Variants in RFTN1 observed in about 807,000 individuals in gnomAD.
RFTN1 encodes raftlin.
RFTN1 carries 26 observed loss-of-function variants against 46.5 expected under a neutral mutation model. The observed-to-expected ratio is 0.56, with a 90% CI of 0.41 to 0.78. The LOEUF (loss-of-function observed/expected upper bound fraction) is 0.78. Ranked by LOEUF, RFTN1 falls within the 30% of genes least tolerant of loss-of-function variation. RFTN1 has a pLI of 0.00. For missense variants in RFTN1, 693 were observed against 718.7 expected, an observed-to-expected ratio of 0.96 and a Z score of 0.41; for synonymous variants, 261 against 284.2, an observed-to-expected ratio of 0.92 and a Z score of 0.82.
rs1168968682 is a variant in RFTN1, at chr3:16,446,072, AAGGCCAC to A, written c.146-12042_146-12036del. Among the ~76,000 whole-genome samples the A allele has an allele frequency of 6.6e-6, 1 of 152,118 alleles. No individual in the cohort carries two copies. The highest frequency in any genetic ancestry group is 2.4e-5 in the African/African-American group (1 of 41,422). On this transcript the variant is annotated intron_variant, in intron 2 of 9. Transcript: ENST00000334133. This position sits in a 1 kb window ranked among gnomAD's most constrained non-coding sequence, Gnocchi z 4.5. ...TTAAATGAAGAAATTCTCCTCTGAT[AAGGCCAC>A]AGTCCACATCAGGACTGCAGTAGCA... is the stretch of plus-strand genomic sequence containing the variant.
chr3:16,344,621 C>G lies in RFTN1; in HGVS notation c.1146+13311G>C, dbSNP rs2071520243. Among the ~76,000 whole-genome samples, 1 of 152,120 alleles carries G rather than the reference C, an allele frequency of 6.6e-6. No individual in the cohort carries two copies. The highest frequency in any genetic ancestry group is 1.5e-5 in the Non-Finnish European group (1 of 68,030). On this transcript the variant is annotated intron_variant, in intron 7 of 9. Transcript: ENST00000334133. The surrounding 1 kb of genome is among the most constrained non-coding windows in gnomAD (Gnocchi z 4.4). ...GAATCAGGTCTCTTCAGGTCCACCA[C>G]CTTCTAGATCACTGCACAAGCCCCT... is the stretch of plus-strand genomic sequence containing the variant.
At position 16,446,976 on chromosome 3, in the gene RFTN1, T is replaced by G. The variant is rs2124895129; in HGVS notation, c.146-12939A>C. 6.6e-6 allele frequency among the ~76,000 whole-genome samples: 1 copy of G among 152,350 alleles called. No individual in the cohort carries two copies. Among genetic ancestry groups the G allele is most frequent in the South Asian group, 2.1e-4 (1 of 4,828 alleles). On this transcript the variant is annotated intron_variant, in intron 2 of 9. Coordinates refer to ENST00000334133, the MANE Select transcript of RFTN1 (RefSeq NM_015150.2). This position sits in a 1 kb window ranked among gnomAD's most constrained non-coding sequence, Gnocchi z 4.5. ...AAATCATAAAGACCACGTGTAAGAC[T>G]AGTTTCAAGAGGCTTATGACAGAAT...
chr3:16,431,343 A>T (rs1559343479), intron 3 of RFTN1, among the ~76,000 whole-genome samples: 1 of 152,298 alleles, frequency 6.6e-6, no homozygotes, highest in South Asian at 2.1e-4. Flanking sequence ...AGTGCGTGCC[A>T]CGGACCATCA....
Position 16,317,040 on chromosome 3 carries a change from T to A in RFTN1, c.1525A>T (p.Lys509Ter). 1 of 1,613,754 alleles carries A rather than the reference T, an allele frequency of 6.2e-7. No homozygotes were observed. Among genetic ancestry groups the A allele is most frequent in the Non-Finnish European group, 8.5e-7 (1 of 1,179,924 alleles). Residue 509 changes from lysine (K) to a stop codon, truncating the protein, a stop_gained, in exon 10 of 10, where the codon AAG (lysine) becomes TAG (stop). Transcript: ENST00000334133. LOFTEE classifies it low-confidence loss of function (END_TRUNC). This position sits in a 1 kb window ranked among gnomAD's most constrained non-coding sequence, Gnocchi z 4.3. ...QQEGGVSEEMKGPVQEDKGEQ... is the reference protein window; with the variant it reads ...QQEGGVSEEM ...CCCTTGTCCTCTTGGACAGGGCCCT[T>A]CATCTCCTCGGAGACTCCACCCTCC...
intron 4 of RFTN1, among the ~76,000 whole-genome samples, chr3:16,388,028 G>C (rs17042202): frequency 0.025 from 3,838 of 152,254 alleles, 55 homozygotes; most frequent in Middle Eastern, 0.068. Flanking sequence ...ACTCTCCAAC[G>C]ATGTCCCATT....
intron 9 of RFTN1, among the ~76,000 whole-genome samples, chr3:16,319,642 C>T (rs1412627880): frequency 6.6e-6 from 1 of 152,198 alleles, no homozygotes; most frequent in Non-Finnish European, 1.5e-5. Context: ...CATAGTTTCC[C>T]CTGGATGCCT....
intron 2 of RFTN1, among the ~76,000 whole-genome samples, chr3:16,454,433 C>A (rs998615960): frequency 1.3e-5 from 2 of 152,130 alleles, no homozygotes; most frequent in African/African-American, 4.8e-5. Flanking sequence ...CTAAATCAGA[C>A]CTGCATTTCA....
Position 16,335,451 on chromosome 3 carries a change from G to A in RFTN1, c.1147-8575C>T, listed in dbSNP as rs1354839866. 2.0e-5 allele frequency among the ~76,000 whole-genome samples: 3 copies of A among 152,226 alleles called. No homozygotes were observed. Among genetic ancestry groups the A allele is most frequent in the Non-Finnish European group, 2.9e-5 (2 of 68,042 alleles). ...GCAGCCTTAAAAAGGAACGAATCAC[G>A]TCCTTTGTGGGGACATGGATGGAGC... On this transcript the variant is annotated intron_variant, in intron 7 of 9. Transcript: ENST00000334133. The surrounding 1 kb of genome is among the most constrained non-coding windows in gnomAD (Gnocchi z 4.7).
intron 2 of RFTN1, among the ~76,000 whole-genome samples, chr3:16,444,422 G>A (rs186073464): frequency 2.9e-4 from 44 of 152,056 alleles, no homozygotes; most frequent in African/African-American, 1.0e-3. Flanking sequence ...TTTTCCAGGC[G>A]CTCCGGCTTC....
intron 3 of RFTN1, among the ~76,000 whole-genome samples, chr3:16,430,340 G>A (rs1439582256): frequency 6.6e-6 from 1 of 152,174 alleles, no homozygotes; most frequent in African/African-American, 2.4e-5. Flanking sequence ...TGGAACTTCT[G>A]AGCTCAAGAG....
chr3:16,493,824 G>A lies in RFTN1; in HGVS notation c.46C>T (p.Pro16Ser), dbSNP rs193087029. 8 of 1,614,006 alleles carry A rather than the reference G, an allele frequency of 5.0e-6. No homozygotes were observed. In the Admixed American group the frequency reaches 1.3e-4, roughly 27 times the overall value. ...TTCAAAGTTGAATAAATATTCCCAGGCCGTTTTTCATCACGTTTCTCTAAC... is the reference window on the plus strand; with the variant it reads ...TTCAAAGTTGAATAAATATTCCCAGACCGTTTTTCATCACGTTTCTCTAAC... ...NKLEKRDEKR[P>S]GNIYSTLKRP... is the part of the protein sequence containing the mutation. The change falls in exon 2 of 10, where the codon CCT becomes TCT. Residue 16 changes from proline to serine, a missense_variant. By Grantham distance (74) the Pro-to-Ser change is moderately conservative. Coordinates refer to ENST00000334133, the MANE Select transcript of RFTN1 (RefSeq NM_015150.2).
At chr3:16,511,876 A>T (rs2076907603) in intron 1 of RFTN1, among the ~76,000 whole-genome samples, 1 of 152,078 alleles carries the variant, frequency 6.6e-6, no homozygotes. Context: ...CTCCACTTCC[A>T]TTTGCCCCAT....
rs1022134759 is a variant in RFTN1, at chr3:16,422,952, G to C, written c.332+10899C>G. The stretch of plus-strand genomic sequence containing the variant: ...GAGGCCGAAGTGGGTGGATCATGAG[G>C]TCAGGAGATCGAGACCATCCTGGCT... On this transcript the variant is annotated intron_variant, in intron 3 of 9. Transcript: ENST00000334133. This position sits in a 1 kb window ranked among gnomAD's most constrained non-coding sequence, Gnocchi z 4.6. 2.0e-5 allele frequency among the ~76,000 whole-genome samples: 3 copies of C among 152,030 alleles called. No homozygotes were observed. Among genetic ancestry groups the C allele is most frequent in the African/African-American group, 7.2e-5 (3 of 41,384 alleles).
rs2076401810 is a variant in RFTN1, at chr3:16,483,566, G to A, written c.145+10159C>T. 6.6e-6 allele frequency among the ~76,000 whole-genome samples: 1 copy of A among 152,148 alleles called. No individual in the cohort carries two copies. Among genetic ancestry groups the A allele is most frequent in the Non-Finnish European group, 1.5e-5 (1 of 68,020 alleles). On this transcript the variant is annotated intron_variant, in intron 2 of 9. Transcript: ENST00000334133. This position sits in a 1 kb window ranked among gnomAD's most constrained non-coding sequence, Gnocchi z 4.8. Reference sequence around the variant, plus strand: ...TGGGAACTTTTTAAACAAACTTTGAGAATCATTGTGTCACCTTGTATCCTT... The same window carrying A: ...TGGGAACTTTTTAAACAAACTTTGAAAATCATTGTGTCACCTTGTATCCTT...
chr3:16,325,878 C>CA (rs2069638192), intron 8 of RFTN1, among the ~76,000 whole-genome samples: 1 of 152,326 alleles, frequency 6.6e-6, no homozygotes, highest in Non-Finnish European at 1.5e-5. Flanking sequence ...GGTGAATATG[C>CA]AGTAGGGCTT....
chr3:16,358,123 A>G lies in RFTN1; in HGVS notation c.1031-76T>C, dbSNP rs555234917. 33 of 793,056 alleles carry G rather than the reference A, an allele frequency of 4.2e-5. No homozygotes were observed. The African/African-American group carries it at 4.8e-4, about 11-fold the overall frequency. 49.1% of individuals were successfully genotyped at this position (793,056 alleles called of 1,614,324 possible). A position where few individuals can be genotyped will look rare whatever the true frequency, so the allele number is the denominator to read the frequency against. ...GGCAGAAGTCTTCTAAGCAGCAAAC[A>G]TTTCCACTGCATTCATTAATAATCC... is the stretch of plus-strand genomic sequence containing the variant. On this transcript the variant is annotated intron_variant, in intron 6 of 9. Coordinates refer to ENST00000334133, the MANE Select transcript of RFTN1 (RefSeq NM_015150.2).
chr3:16,415,556 A>G (rs1289208034), intron 3 of RFTN1, among the ~76,000 whole-genome samples: 5 of 152,002 alleles, frequency 3.3e-5, no homozygotes, highest in Non-Finnish European at 5.9e-5. Context: ...TACTTAAAGC[A>G]TGAGGCTAAA....
rs541425893 is a variant in RFTN1 at position 16,319,272 on chromosome 3, G to T, written c.1333-2040C>A. Among the ~76,000 whole-genome samples the T allele has an allele frequency of 6.0e-4, 91 of 152,338 alleles. 1 individual carries two copies. In the South Asian group the frequency reaches 0.018, roughly 30 times the overall value. ...AGGCAGTTGGCTCTCAGGGAAGTCA[G>T]AGGAAGTTTTACTGTTGCCAAAAAA... On this transcript the variant is annotated intron_variant, in intron 9 of 9. Transcript: ENST00000334133.
rs1196499841 is a variant in RFTN1 at position 16,500,945 on chromosome 3, C to T, written c.-8-7068G>A. ...TGGCTGACTGTTCGGGAAGTCTGGA[C>T]AGAATGCGGGAGCATTCGGAACAAA... is the stretch of plus-strand genomic sequence containing the variant. On this transcript the variant is annotated intron_variant, in intron 1 of 9. Transcript: ENST00000334133. This position sits in a 1 kb window ranked among gnomAD's most constrained non-coding sequence, Gnocchi z 5.9. Among the ~76,000 whole-genome samples the T allele has an allele frequency of 6.6e-6, 1 of 152,180 alleles. No homozygotes were observed. Among genetic ancestry groups the T allele is most frequent in the Non-Finnish European group, 1.5e-5 (1 of 68,042 alleles).
Sources: gnomAD v4.1 joint callset for allele counts (sites outside exome capture counted in the v4.1 genomes callset) on GRCh38, gnomAD v4.1.1 for gene constraint, Gnocchi (gnomAD v3.1) non-coding constraint, MANE v1.5 for transcripts, NCBI Gene and HGNC (gene_info 2026-07-23, HGNC 2026-07-21) for gene names.